The following GALNTL6 variants were observed in gnomAD, a reference collection of about 807,000 sequenced individuals.
The protein encoded by GALNTL6 is polypeptide N-acetylgalactosaminyltransferase-like 6.
In GALNTL6, 46 loss-of-function variants were observed where a neutral mutation model predicts 73.7. The observed-to-expected ratio is 0.62, with a 90% CI of 0.49 to 0.80. The LOEUF (loss-of-function observed/expected upper bound fraction) is 0.80, where lower values mean the gene tolerates loss of function less well. GALNTL6 is among the 30% of genes least tolerant of loss of function. The pLI is 0.00. For missense variants in GALNTL6, 604 were observed against 755.0 expected (o/e 0.80, Z 2.34); for synonymous variants, 259 against 263.7 (o/e 0.98, Z 0.17).
At chr4:172,541,871 G>A (rs1735561490) in intron 5 of GALNTL6, among the ~76,000 whole-genome samples, 1 of 151,892 alleles carries the variant, frequency 6.6e-6, no homozygotes, top group Non-Finnish European at 1.5e-5. Flanking sequence ...GAGCCCACTC[G>A]CCCAAATCCT....
At chr4:172,514,404 A>G (rs1325653231) in intron 5 of GALNTL6, among the ~76,000 whole-genome samples, 2 of 152,116 alleles carry the variant, frequency 1.3e-5, no homozygotes, top group Non-Finnish European at 2.9e-5. Flanking sequence ...GCTCCCATAC[A>G]GCCAGAAAGG....
chr4:172,118,362 T>C (rs1579156236), intron 2 of GALNTL6, among the ~76,000 whole-genome samples: 1 of 152,110 alleles, frequency 6.6e-6, no homozygotes, highest in Non-Finnish European at 1.5e-5. Context: ...TAGATAATTA[T>C]AGGAAATTCA....
intron 5 of GALNTL6, among the ~76,000 whole-genome samples, chr4:172,366,500 C>T (rs531184548): frequency 4.6e-5 from 7 of 152,224 alleles, no homozygotes; most frequent in African/African-American, 1.7e-4. Context: ...TGTTGCCTGA[C>T]TGATTGCCAA....
intron 3 of GALNTL6, among the ~76,000 whole-genome samples, chr4:172,280,228 A>G (rs1240542239): frequency 6.6e-6 from 1 of 152,222 alleles, no homozygotes; most frequent in African/African-American, 2.4e-5. Context: ...TAAATTTTAC[A>G]GTATATGTAT....
intron 5 of GALNTL6, among the ~76,000 whole-genome samples, chr4:172,610,853 A>T (rs1205870070): frequency 6.6e-6 from 1 of 152,104 alleles, no homozygotes; most frequent in East Asian, 1.9e-4. Context: ...AACTTGTTTT[A>T]TGAATCTGGA....
rs749861311 is a variant in GALNTL6 at position 172,313,851 on chromosome 4, T to TA, written c.386+2104dup. ...AAACCTTGAGAGGGTTTGAGATGGA[T>TA]AAAAAGAAAGTGTTAAGTATACTAC... On this transcript the variant is annotated intron_variant, in intron 4 of 12. Transcript: ENST00000506823. Among the ~76,000 whole-genome samples the TA allele has an allele frequency of 2.5e-3, 384 of 152,158 alleles. 2 individuals are homozygous for TA. Among genetic ancestry groups the TA allele is most frequent in the Non-Finnish European group, 2.0e-3 (134 of 67,994 alleles).
intron 2 of GALNTL6, among the ~76,000 whole-genome samples, chr4:171,864,514 G>C (rs1735921114): frequency 6.6e-6 from 1 of 152,148 alleles, no homozygotes; most frequent in Admixed American, 6.5e-5. Flanking sequence ...AATAACATTG[G>C]AAGCTGTAAA....
chr4:172,059,816 T>C (rs1731140077), intron 2 of GALNTL6, among the ~76,000 whole-genome samples: 1 of 152,186 alleles, frequency 6.6e-6, no homozygotes, highest in African/African-American at 2.4e-5. Flanking sequence ...AAAAAACACA[T>C]CTGTCATTGT....
chr4:173,035,322 G>A (rs542349899), intron 12 of GALNTL6, among the ~76,000 whole-genome samples: 1 of 152,210 alleles, frequency 6.6e-6, no homozygotes, highest in East Asian at 1.9e-4. Context: ...GGGATTACAG[G>A]CATGTACCAC....
At chr4:172,091,126 A>G (rs1275677695) in intron 2 of GALNTL6, among the ~76,000 whole-genome samples, 1 of 151,952 alleles carries the variant, frequency 6.6e-6, no homozygotes, top group Non-Finnish European at 1.5e-5. Flanking sequence ...TTCTGAAACA[A>G]TTTTTCTCTC....
At chr4:173,031,179 C>T (rs1331571063) in intron 12 of GALNTL6, among the ~76,000 whole-genome samples, 1 of 151,736 alleles carries the variant, frequency 6.6e-6, no homozygotes, top group Non-Finnish European at 1.5e-5. Context: ...CCTTTATTAT[C>T]TACTTTAGTA....
chr4:172,545,911 A>G (rs1171536761), intron 5 of GALNTL6, among the ~76,000 whole-genome samples: 3 of 152,220 alleles, frequency 2.0e-5, no homozygotes, highest in Non-Finnish European at 2.9e-5. Context: ...AAGATATGCA[A>G]CTTACTCGTT....
At chr4:172,463,556 T>A (rs1299611792) in intron 5 of GALNTL6, among the ~76,000 whole-genome samples, 1 of 152,210 alleles carries the variant, frequency 6.6e-6, no homozygotes, top group Non-Finnish European at 1.5e-5. Flanking sequence ...TGCCATGCAC[T>A]GTACTAGATT....
intron 2 of GALNTL6, among the ~76,000 whole-genome samples, chr4:171,833,459 AC>A (rs1363112665): frequency 2.0e-5 from 3 of 151,712 alleles, no homozygotes; most frequent in Non-Finnish European, 4.4e-5. Flanking sequence ...CTCATTAACA[AC>A]CAAAATACCT....
chr4:172,992,122 T>C (rs1417949305), intron 10 of GALNTL6, among the ~76,000 whole-genome samples: 1 of 152,232 alleles, frequency 6.6e-6, no homozygotes, highest in Non-Finnish European at 1.5e-5. Context: ...ACTCCTATTT[T>C]TAAGCATAAG....
At chr4:172,655,236 G>A (rs758539481) in intron 5 of GALNTL6, among the ~76,000 whole-genome samples, 14 of 151,982 alleles carry the variant, frequency 9.2e-5, no homozygotes, top group Non-Finnish European at 1.2e-4. Context: ...ATCCTGATAG[G>A]TTTCAGGTTT....
intron 5 of GALNTL6, among the ~76,000 whole-genome samples, chr4:172,515,157 A>G (rs1165991702): frequency 6.6e-6 from 1 of 152,232 alleles, no homozygotes; most frequent in Non-Finnish European, 1.5e-5. Context: ...TTACAGTTGC[A>G]CCCAACTTAG....
chr4:172,276,748 T>C (rs987582006), intron 3 of GALNTL6, among the ~76,000 whole-genome samples: 3 of 152,192 alleles, frequency 2.0e-5, no homozygotes, highest in Non-Finnish European at 4.4e-5. Flanking sequence ...GTGGGGTTTT[T>C]TTTAGAGACA....
chr4:173,017,447 T>A (rs961739072), intron 11 of GALNTL6, among the ~76,000 whole-genome samples: 1 of 152,222 alleles, frequency 6.6e-6, no homozygotes, highest in African/African-American at 2.4e-5. Flanking sequence ...GAATATAATT[T>A]CATAATGTCT....
Sources: allele counts gnomAD v4.1 joint callset (sites outside exome capture counted in the v4.1 genomes callset), GRCh38; gene constraint gnomAD v4.1.1; transcripts MANE v1.5; gene names NCBI Gene and HGNC (gene_info 2026-07-23, HGNC 2026-07-21).